SEC31A: variants seen among roughly 807,000 people sequenced by gnomAD.
SEC31A encodes the protein SEC31 homolog A, COPII component.
SEC31A carries 70 observed loss-of-function variants against 151.0 expected under a neutral mutation model. The observed-to-expected ratio is 0.46, with a 90% CI of 0.38 to 0.57. The LOEUF is 0.57. Ranked by LOEUF, SEC31A falls within the 20% of genes least tolerant of loss-of-function variation. The pLI is 0.00. For missense variants in SEC31A, 1,330 were observed against 1,471.2 expected, an observed-to-expected ratio of 0.90 and a Z score of 1.57; for synonymous variants, 475 against 505.9, an observed-to-expected ratio of 0.94 and a Z score of 0.82.
intron 25 of SEC31A, among the ~76,000 whole-genome samples, chr4:82,823,240 T>C (rs913565151): frequency 6.6e-6 from 1 of 152,256 alleles, no homozygotes; most frequent in Non-Finnish European, 1.5e-5. Flanking sequence ...CCAACCTCTC[T>C]ATACTGACTC....
chr4:82,859,120 TA>T (rs199531964), intron 14 of SEC31A, among the ~76,000 whole-genome samples: 14 of 148,652 alleles, frequency 9.4e-5, no homozygotes, highest in East Asian at 5.9e-4. Flanking sequence ...AACTGAATCA[TA>T]AAAAAAAATG....
chr4:82,886,807 A>C, intron 1 of SEC31A, among the ~76,000 whole-genome samples: 1 of 152,216 alleles, frequency 6.6e-6, no homozygotes, highest in Non-Finnish European at 1.5e-5. Context: ...ACATTTTGTA[A>C]CATTCTACTA....
At chr4:82,891,063 G>T in intron 1 of SEC31A, 25 bp downstream of exon 1, 1 of 1,535,880 alleles carries the variant, frequency 6.5e-7, no homozygotes, top group South Asian at 1.2e-5. Flanking sequence ...CGGCGAAGAG[G>T]ACAAAAAGCA....
At chr4:82,829,094 T>C in intron 22 of SEC31A, 36 bp from the exon 23 acceptor site, 1 of 1,539,782 alleles carries the variant, frequency 6.5e-7, no homozygotes, top group South Asian at 1.1e-5. Flanking sequence ...TCCTTTAGAA[T>C]CCTGAAAGGA....
chr4:82,821,167 G>A (rs756388534), intron 25 of SEC31A, 59 bp from the exon 26 acceptor site: 5 of 1,344,320 alleles, frequency 3.7e-6, no homozygotes, highest in Admixed American at 3.4e-5. Flanking sequence ...CTAAGAACTT[G>A]CCCTATCTCA....
intron 23 of SEC31A, 49 bp downstream of exon 23, chr4:82,828,950 TG>T: frequency 7.0e-7 from 1 of 1,436,602 alleles, no homozygotes; most frequent in South Asian, 1.1e-5. Context: ...AGTGGCTACG[TG>T]GTTAACATAA....
At chr4:82,845,226 G>C (rs1218245973) in intron 20 of SEC31A, 1 of 1,534,524 alleles carries the variant, frequency 6.5e-7, no homozygotes, top group Non-Finnish European at 8.7e-7. Context: ...AGAGGCTGCA[G>C]GTGGATGGCT....
At position 82,870,335 on chromosome 4, in the gene SEC31A, T is replaced by C. The variant is rs1273161133; in HGVS notation, c.872A>G (p.Asn291Ser). ...ATTTCCTGCCCATACCTCTCCTGTG[T>C]TTGGATTGGAGCAGAGAATCTTAGC... ...KDAKILCSNP[N>S]TGEVLYELPT... is the part of the protein sequence containing the mutation. The change falls in exon 8 of 27, where the codon AAC becomes AGC. Residue 291 changes from asparagine to serine, a missense_variant. Asn to Ser is a conservative substitution (Grantham distance 46). Transcript: ENST00000395310. 6.8e-6 allele frequency: 11 copies of C among 1,613,020 alleles called. No homozygotes were observed. The highest frequency in any genetic ancestry group is 1.7e-4 in the Middle Eastern group (1 of 6,060).
intron 21 of SEC31A, 158 bp downstream of exon 21, chr4:82,844,228 T>C (rs776549594): frequency 1.4e-6 from 1 of 705,556 alleles, no homozygotes; most frequent in Non-Finnish European, 2.3e-6. Flanking sequence ...TCAGGCCACC[T>C]CCTAAAAAAA....
intron 1 of SEC31A, chr4:82,890,843 C>T: frequency 7.5e-7 from 1 of 1,332,700 alleles, no homozygotes; most frequent in African/African-American, 1.5e-5. Context: ...TCGCCAGCCT[C>T]GGGTGGCTTT....
In SEC31A at chr4:82,871,503, C is replaced by T. The variant is rs537728341; in HGVS notation, c.782+441G>A. 6.3e-5 allele frequency: 66 copies of T among 1,048,278 alleles called. No homozygotes were observed. In the Admixed American group the frequency reaches 8.6e-4, roughly 14 times the overall value. 64.9% of individuals were successfully genotyped at this position (1,048,278 alleles called of 1,614,324 possible). A position where few individuals can be genotyped will look rare whatever the true frequency, so the allele number is the denominator to read the frequency against. ...AACTGACATAAACATTAAGTTCCTA[C>T]GGTGGCCCATGCCTGTATTCCCAGC... On this transcript the variant is annotated intron_variant, in intron 7 of 26. Coordinates refer to ENST00000395310, the MANE Select transcript of SEC31A (RefSeq NM_001077207.4).
chr4:82,863,412 T>C lies in SEC31A; in HGVS notation c.1435-20A>G, dbSNP rs761296181. The C allele has an allele frequency of 6.4e-5, 95 of 1,487,184 alleles. No individual in the cohort carries two copies. Among genetic ancestry groups the C allele is most frequent in the Non-Finnish European group, 8.6e-5 (95 of 1,104,544 alleles). The allele number at this position is 1,487,184 out of a possible 1,614,324, so 92.1% of individuals were successfully genotyped here. A position where few individuals can be genotyped will look rare whatever the true frequency, so the allele number is the denominator to read the frequency against. On this transcript the variant is annotated intron_variant, in intron 11 of 26. Coordinates refer to ENST00000395310, the MANE Select transcript of SEC31A (RefSeq NM_001077207.4). ...GTTTACCTTTAAAAAAAAAGACATA[T>C]TCTTAAAACAAAGACCTACATTTAA...
intron 14 of SEC31A, 104 bp downstream of exon 14, chr4:82,861,527 A>G: frequency 1.5e-6 from 1 of 652,620 alleles, no homozygotes; most frequent in Non-Finnish European, 2.7e-6. Context: ...AATTTACTTC[A>G]ACTTTATTTT....
In SEC31A at chr4:82,864,488, C is replaced by T. The variant is rs902906818; in HGVS notation, c.1308G>A (p.Lys436=). 6.2e-7 allele frequency: 1 copy of T among 1,614,042 alleles called. No homozygotes were observed. The highest frequency in any genetic ancestry group is 8.5e-7 in the Non-Finnish European group (1 of 1,180,044). Residue 436 remains lysine, a synonymous_variant, in exon 11 of 27, where the codon AAG becomes AAA. Coordinates refer to ENST00000395310, the MANE Select transcript of SEC31A (RefSeq NM_001077207.4). ...HVFISQVVTE[K]EFLSRSDQLQ... is the part of the protein sequence containing the mutation. Reference sequence around the variant, plus strand: ...GTTGGTCTGATCGGCTGAGGAACTCCTTTTCTGTTACAACCTGACTAATGA... The same window carrying T: ...GTTGGTCTGATCGGCTGAGGAACTCTTTTTCTGTTACAACCTGACTAATGA...
intron 22 of SEC31A, among the ~76,000 whole-genome samples, chr4:82,835,966 A>G (rs1727131503): frequency 6.6e-6 from 1 of 152,222 alleles, no homozygotes; most frequent in Admixed American, 6.5e-5. Flanking sequence ...ACACTCGTGC[A>G]TTCCTGGCGG....
chr4:82,828,500 C>T (rs1725128015), intron 23 of SEC31A, among the ~76,000 whole-genome samples: 1 of 151,530 alleles, frequency 6.6e-6, no homozygotes, highest in East Asian at 1.9e-4. Context: ...GTAAAAATGG[C>T]TTGGGCAAAA....
At chr4:82,869,998 T>A (rs1280437681) in intron 8 of SEC31A, among the ~76,000 whole-genome samples, 6 of 152,148 alleles carry the variant, frequency 3.9e-5, no homozygotes, top group African/African-American at 9.7e-5. Context: ...CCTTGAACAA[T>A]CCTACATCGA....
intron 22 of SEC31A, among the ~76,000 whole-genome samples, chr4:82,837,425 CAG>C (rs1578164531): frequency 2.6e-5 from 4 of 151,680 alleles, no homozygotes; most frequent in African/African-American, 9.7e-5. Context: ...TGTTTTGAGA[CAG>C]GGTCTCACTG....
intron 16 of SEC31A, among the ~76,000 whole-genome samples, chr4:82,855,888 G>A (rs556503031): frequency 2.0e-5 from 3 of 152,058 alleles, no homozygotes; most frequent in East Asian, 1.9e-4. Flanking sequence ...CCTATGACAC[G>A]AGTTTACTCT....
Sources: gnomAD v4.1 joint callset for allele counts (sites outside exome capture counted in the v4.1 genomes callset) on GRCh38, gnomAD v4.1.1 for gene constraint, MANE v1.5 for transcripts, NCBI Gene and HGNC (gene_info 2026-07-23, HGNC 2026-07-21) for gene names.